The following SUSD3 variants were observed in gnomAD, a reference collection of about 807,000 sequenced individuals.
SUSD3 encodes sushi domain-containing protein 3.
SUSD3 carries 18 observed loss-of-function variants against 20.6 expected under a neutral mutation model. The observed-to-expected ratio is 0.87, with a 90% CI of 0.60 to 1.30. The LOEUF (loss-of-function observed/expected upper bound fraction) is 1.30. SUSD3 is among the 50% of genes most tolerant of loss of function. The pLI is 0.00. For synonymous variants in SUSD3, 137 were observed against 141.5 expected (o/e 0.97, Z 0.23); for missense variants, 306 against 346.9 (o/e 0.88, Z 0.94).
intron 1 of SUSD3, among the ~76,000 whole-genome samples, chr9:93,063,784 T>C (rs1825597531): frequency 6.6e-6 from 1 of 151,970 alleles, no homozygotes; most frequent in Non-Finnish European, 1.5e-5. Flanking sequence ...GCACTTACAT[T>C]AGGACCTGGG....
chr9:93,082,811 A>G (rs1200002496), intron 4 of SUSD3, among the ~76,000 whole-genome samples: 2 of 152,184 alleles, frequency 1.3e-5, no homozygotes, highest in African/African-American at 4.8e-5. Context: ...GGAAGGAACA[A>G]TTGCCTCTCA....
At chr9:93,083,581 C>T (rs1306007564) in intron 4 of SUSD3, among the ~76,000 whole-genome samples, 1 of 152,202 alleles carries the variant, frequency 6.6e-6, no homozygotes, top group East Asian at 1.9e-4. Context: ...GTGGGTACTA[C>T]TTTTATCCCG....
chr9:93,075,274 A>G (rs1054731796), intron 1 of SUSD3, among the ~76,000 whole-genome samples: 11 of 151,652 alleles, frequency 7.3e-5, no homozygotes, highest in African/African-American at 2.7e-4. Flanking sequence ...TACCGAACCA[A>G]CCTTTGACCT....
rs1210612119 is a variant in SUSD3, at chr9:93,080,338, AAAC to A, written c.557+739_557+741del. ...CGTCTCAAAAAAAAAAAAAAAAAAAAAACAAAACTAACAGAAATCTAATATTGA... is the reference window on the plus strand; with the variant it reads ...CGTCTCAAAAAAAAAAAAAAAAAAAAAAAACTAACAGAAATCTAATATTGA... On this transcript the variant is annotated intron_variant, in intron 4 of 4. Transcript: ENST00000375472. Among the ~76,000 whole-genome samples, 156 of 150,980 alleles carry A rather than the reference AAAC, an allele frequency of 1.0e-3. 5 individuals carry two copies. Among genetic ancestry groups the A allele is most frequent in the African/African-American group, 2.5e-3 (102 of 40,980 alleles).
chr9:93,068,726 A>AT (rs1351386266), intron 1 of SUSD3, among the ~76,000 whole-genome samples: 3 of 152,182 alleles, frequency 2.0e-5, no homozygotes, highest in African/African-American at 7.2e-5. Flanking sequence ...TCTGATAGAG[A>AT]TTTTGTTGAA....
chr9:93,063,905 T>C (rs1825603038), intron 1 of SUSD3, among the ~76,000 whole-genome samples: 1 of 152,164 alleles, frequency 6.6e-6, no homozygotes, highest in Admixed American at 6.5e-5. Context: ...TCATGGACAG[T>C]TGGGCTGGCA....
At chr9:93,076,215 T>C (rs888521042) in intron 2 of SUSD3, among the ~76,000 whole-genome samples, 9 of 152,208 alleles carry the variant, frequency 5.9e-5, no homozygotes, top group Non-Finnish European at 1.2e-4. Flanking sequence ...CCTCCAATCC[T>C]GGCTCTGCTA....
intron 4 of SUSD3, among the ~76,000 whole-genome samples, chr9:93,084,013 T>C (rs2119018348): frequency 6.6e-6 from 1 of 152,208 alleles, no homozygotes; most frequent in Admixed American, 6.5e-5. Context: ...CAGGGTCTGG[T>C]CAGCCTGGGG....
At chr9:93,078,524 A>C (rs1826268441) in intron 3 of SUSD3, among the ~76,000 whole-genome samples, 1 of 152,088 alleles carries the variant, frequency 6.6e-6, no homozygotes, top group African/African-American at 2.4e-5. Flanking sequence ...TGCCTCCCAA[A>C]GTGCTGGGAT....
chr9:93,084,967 G>A lies in SUSD3; in HGVS notation c.*220G>A, dbSNP rs1246831416. The A allele has an allele frequency of 4.7e-6, 2 of 428,010 alleles. No homozygotes were observed. Among genetic ancestry groups the A allele is most frequent in the Non-Finnish European group, 8.2e-6 (2 of 244,942 alleles). The allele number at this position is 428,010 out of a possible 1,614,324, so 26.5% of individuals were successfully genotyped here. A position where few individuals can be genotyped will look rare whatever the true frequency, so the allele number is the denominator to read the frequency against. ...TGTTCCGGCATATCCTGGCCGTAACGATTTTTATAGTTATGGACTACTTGA... is the reference window on the plus strand; with the variant it reads ...TGTTCCGGCATATCCTGGCCGTAACAATTTTTATAGTTATGGACTACTTGA... On this transcript the variant is annotated 3_prime_UTR_variant, in exon 5 of 5. Transcript: ENST00000375472.
intron 1 of SUSD3, 102 bp downstream of exon 1, chr9:93,058,932 G>T (rs1419961296): frequency 1.2e-5 from 8 of 647,616 alleles, no homozygotes; most frequent in South Asian, 5.4e-5. Flanking sequence ...CCGTGGGTGG[G>T]GGCCACAGCA....
chr9:93,061,260 T>C (rs1249516425), intron 1 of SUSD3, among the ~76,000 whole-genome samples: 1 of 152,252 alleles, frequency 6.6e-6, no homozygotes, highest in East Asian at 1.9e-4. Context: ...GCTTCACCCC[T>C]GAACTCCTGC....
At chr9:93,059,072 G>A (rs991555182) in intron 1 of SUSD3, among the ~76,000 whole-genome samples, 1 of 152,182 alleles carries the variant, frequency 6.6e-6, no homozygotes, top group Non-Finnish European at 1.5e-5. Flanking sequence ...GCCCGTTCCC[G>A]AGTGGCCGCA....
intron 1 of SUSD3, among the ~76,000 whole-genome samples, chr9:93,075,411 C>CTTTTTTTTTTTTTTTTTTTTTT (rs58393196): frequency 7.9e-5 from 8 of 101,268 alleles, no homozygotes; most frequent in Non-Finnish European, 1.1e-4. Flanking sequence ...CTCTGTCCCT[C>CTTTTTTTTTTTTTTTTTTTTTT]TTTTTTTTTT....
At chr9:93,079,344 C>CT (rs1402393074) in intron 3 of SUSD3, 127 bp from the exon 4 acceptor site, 3 of 1,029,452 alleles carry the variant, frequency 2.9e-6, no homozygotes, top group Non-Finnish European at 4.2e-6. Flanking sequence ...CTGCCCAGCT[C>CT]TTTGAGAGGT....
At chr9:93,076,859 C>T (rs1044040658) in intron 2 of SUSD3, among the ~76,000 whole-genome samples, 1 of 152,208 alleles carries the variant, frequency 6.6e-6, no homozygotes, top group Non-Finnish European at 1.5e-5. Flanking sequence ...CCTCATGATT[C>T]AAGATGGCAG....
chr9:93,068,025 G>A (rs528877693), intron 1 of SUSD3, among the ~76,000 whole-genome samples: 1 of 152,306 alleles, frequency 6.6e-6, no homozygotes, highest in Non-Finnish European at 1.5e-5. Flanking sequence ...TCAGAGAAAT[G>A]TCTGTTCAGA....
At chr9:93,072,456 G>A (rs1166340808) in intron 1 of SUSD3, among the ~76,000 whole-genome samples, 6 of 152,186 alleles carry the variant, frequency 3.9e-5, no homozygotes, top group Admixed American at 3.9e-4. Context: ...CAGAGCCTCT[G>A]GTAGCCTCCA....
chr9:93,061,682 G>A (rs1291296533), intron 1 of SUSD3, among the ~76,000 whole-genome samples: 1 of 152,214 alleles, frequency 6.6e-6, no homozygotes, highest in African/African-American at 2.4e-5. Flanking sequence ...TTGGGGCCAG[G>A]CCTGTCCCCA....
Sources: gnomAD v4.1 joint callset for allele counts (sites outside exome capture counted in the v4.1 genomes callset) on GRCh38, gnomAD v4.1.1 for gene constraint, MANE v1.5 for transcripts, NCBI Gene and HGNC (gene_info 2026-07-23, HGNC 2026-07-21) for gene names.